The following TMPRSS11A variants were observed in gnomAD, a reference collection of about 807,000 sequenced individuals.
TMPRSS11A encodes the protein transmembrane serine protease 11A.
TMPRSS11A carries 53 observed loss-of-function variants against 58.9 expected under a neutral mutation model. The ratio of observed to expected loss-of-function variants is 0.90; its 90% CI spans 0.72 to 1.13. TMPRSS11A has a LOEUF of 1.13. Among genes scored for constraint, TMPRSS11A ranks in the 50% most tolerant of loss-of-function variants. TMPRSS11A has a pLI of 0.00. For synonymous variants in TMPRSS11A, 167 were observed against 169.8 expected, an observed-to-expected ratio of 0.98 and a Z score of 0.13; for missense variants, 493 against 499.3, an observed-to-expected ratio of 0.99 and a Z score of 0.12.
chr4:67,947,502 T>A (rs1209594501), intron 1 of TMPRSS11A, among the ~76,000 whole-genome samples: 1 of 152,220 alleles, frequency 6.6e-6, no homozygotes, highest in East Asian at 1.9e-4. Flanking sequence ...TTATTTAACT[T>A]GTTCTTTTAT....
chr4:67,938,519 C>G (rs1386225295), intron 3 of TMPRSS11A, among the ~76,000 whole-genome samples: 1 of 152,054 alleles, frequency 6.6e-6, no homozygotes, highest in Non-Finnish European at 1.5e-5. Flanking sequence ...AGGTTTTCTT[C>G]TAGGGTTCTT....
At chr4:67,944,368 G>T in intron 3 of TMPRSS11A, 151 bp downstream of exon 3, 2 of 805,380 alleles carry the variant, frequency 2.5e-6, no homozygotes, top group South Asian at 1.9e-5. Context: ...ATCATACTCT[G>T]ATTAAGCAGG....
intron 5 of TMPRSS11A, among the ~76,000 whole-genome samples, 180 bp from the exon 6 acceptor site, chr4:67,924,346 T>C (rs1422799403): frequency 1.3e-5 from 2 of 152,230 alleles, no homozygotes; most frequent in South Asian, 2.1e-4. Context: ...TAGAGACTTA[T>C]AGGCAGCCTC....
At chr4:67,930,408 A>G (rs79153150) in intron 4 of TMPRSS11A, among the ~76,000 whole-genome samples, 2,432 of 152,268 alleles carry the variant, frequency 0.016, 60 homozygotes, top group African/African-American at 0.056. Flanking sequence ...TGGCCCTCTA[A>G]TGACAGTGCA....
chr4:67,944,652 A>G lies in TMPRSS11A; in HGVS notation c.134-15T>C, dbSNP rs1420415889. The G allele has an allele frequency of 1.2e-6, 2 of 1,602,640 alleles. No individual in the cohort carries two copies. Among genetic ancestry groups the G allele is most frequent in the Non-Finnish European group, 1.7e-6 (2 of 1,175,844 alleles). On this transcript the variant is annotated splice_polypyrimidine_tract_variant and intron_variant, in intron 2 of 9. Transcript: ENST00000508048. Reference sequence around the variant, plus strand: ...CTTTTTTTGGTCTGCAATGGAAATGAAAAATAGGAAACTAAATGGTTTGGA... The same window carrying G: ...CTTTTTTTGGTCTGCAATGGAAATGGAAAATAGGAAACTAAATGGTTTGGA...
At chr4:67,962,437 G>T (rs997202241) in intron 1 of TMPRSS11A, among the ~76,000 whole-genome samples, 1 of 152,080 alleles carries the variant, frequency 6.6e-6, no homozygotes, top group Admixed American at 6.5e-5. Flanking sequence ...CGACTCCAAG[G>T]AGTTGAGGAC....
At chr4:67,927,930 C>T (rs1349278074) in intron 5 of TMPRSS11A, among the ~76,000 whole-genome samples, 2 of 152,196 alleles carry the variant, frequency 1.3e-5, no homozygotes, top group African/African-American at 2.4e-5. Context: ...TCAGGAAGAA[C>T]AAACATTACC....
In TMPRSS11A at chr4:67,946,573, T is replaced by C. The variant is rs748785202; in HGVS notation, c.12-2A>G. On this transcript the variant is annotated splice_acceptor_variant, in intron 1 of 9. Coordinates refer to ENST00000508048, the MANE Select transcript of TMPRSS11A (RefSeq NM_001114387.2). LOFTEE classifies it high-confidence loss of function. Reference sequence around the variant, plus strand: ...CTTCGGGTGCCAAATCCCACTGTCCTGAGAAAAGGAAGGGCCCACTGGTTA... The same window carrying C: ...CTTCGGGTGCCAAATCCCACTGTCCCGAGAAAAGGAAGGGCCCACTGGTTA... The C allele has an allele frequency of 1.9e-6, 3 of 1,607,590 alleles. No individual in the cohort carries two copies. Among genetic ancestry groups the C allele is most frequent in the African/African-American group, 1.3e-5 (1 of 74,622 alleles).
At chr4:67,920,605 G>A (rs1356139574) in intron 7 of TMPRSS11A, among the ~76,000 whole-genome samples, 1 of 145,798 alleles carries the variant, frequency 6.9e-6, no homozygotes, top group Admixed American at 6.9e-5. Flanking sequence ...ACATATATAT[G>A]TATGCATATA....
intron 1 of TMPRSS11A, among the ~76,000 whole-genome samples, chr4:67,956,334 C>A (rs896738102): frequency 1.3e-5 from 2 of 152,226 alleles, no homozygotes; most frequent in African/African-American, 4.8e-5. Flanking sequence ...GACTTCAAAG[C>A]CATCTGTTCT....
At chr4:67,947,054 C>A (rs750147133) in intron 1 of TMPRSS11A, among the ~76,000 whole-genome samples, 1 of 151,854 alleles carries the variant, frequency 6.6e-6, no homozygotes, top group Non-Finnish European at 1.5e-5. Context: ...ATATATATAT[C>A]ACATTATTAT....
intron 5 of TMPRSS11A, among the ~76,000 whole-genome samples, chr4:67,925,661 C>G (rs1382780313): frequency 6.6e-6 from 1 of 152,202 alleles, no homozygotes; most frequent in Non-Finnish European, 1.5e-5. Context: ...ATGGAAGGAA[C>G]TCAGTTTACC....
intron 1 of TMPRSS11A, among the ~76,000 whole-genome samples, chr4:67,950,070 A>G (rs1721122699): frequency 1.3e-5 from 2 of 152,158 alleles, no homozygotes; most frequent in African/African-American, 4.8e-5. Flanking sequence ...ATTGTTTTGT[A>G]ACAAATTACC....
intron 3 of TMPRSS11A, among the ~76,000 whole-genome samples, chr4:67,942,532 A>G (rs1720904920): frequency 6.6e-6 from 1 of 152,214 alleles, no homozygotes; most frequent in Non-Finnish European, 1.5e-5. Flanking sequence ...GTTGTTTAAG[A>G]TACCCAGCCT....
At chr4:67,916,592 C>T (rs569896783) in intron 8 of TMPRSS11A, among the ~76,000 whole-genome samples, 2 of 152,118 alleles carry the variant, frequency 1.3e-5, no homozygotes, top group South Asian at 2.1e-4. Flanking sequence ...TTTGGGAGGC[C>T]GAGGCAGGTG....
intron 1 of TMPRSS11A, among the ~76,000 whole-genome samples, chr4:67,952,829 C>G (rs1455089631): frequency 2.6e-5 from 4 of 152,208 alleles, no homozygotes; most frequent in Non-Finnish European, 5.9e-5. Flanking sequence ...AAATCATACA[C>G]AGCATTGGGG....
intron 1 of TMPRSS11A, among the ~76,000 whole-genome samples, chr4:67,961,674 G>A (rs935992336): frequency 2.6e-5 from 4 of 151,592 alleles, no homozygotes; most frequent in Admixed American, 1.3e-4. Context: ...CACCATGCCC[G>A]GCTAATTGTT....
At chr4:67,911,589 T>C (rs1719982598) in intron 9 of TMPRSS11A, 86 bp from the exon 10 acceptor site, 2 of 1,101,192 alleles carry the variant, frequency 1.8e-6, no homozygotes, top group Non-Finnish European at 2.6e-6. Flanking sequence ...ATCACATATT[T>C]TGTTACTAGA....
intron 7 of TMPRSS11A, among the ~76,000 whole-genome samples, chr4:67,919,886 G>A (rs1472150742): frequency 6.6e-6 from 1 of 151,930 alleles, no homozygotes; most frequent in African/African-American, 2.4e-5. Context: ...AGGTAAGCAG[G>A]GACTAGATTT....
Sources: gnomAD v4.1 joint callset for allele counts (sites outside exome capture counted in the v4.1 genomes callset) on GRCh38, gnomAD v4.1.1 for gene constraint, MANE v1.5 for transcripts, NCBI Gene and HGNC (gene_info 2026-07-23, HGNC 2026-07-21) for gene names.